Variants in SOX5 observed in about 807,000 individuals in gnomAD.
SOX5 encodes SRY-box transcription factor 5.
In SOX5, 9 loss-of-function variants were observed where a neutral mutation model predicts 92.0. The observed-to-expected ratio is 0.10, with a 90% CI of 0.06 to 0.17. The LOEUF (loss-of-function observed/expected upper bound fraction) is 0.17, where lower values mean the gene tolerates loss of function less well. Among genes scored for constraint, SOX5 ranks in the 10% least tolerant of loss-of-function variants. The pLI is 1.00. For missense variants in SOX5, 642 were observed against 944.5 expected (o/e 0.68, Z 4.20); for synonymous variants, 344 against 336.3 (o/e 1.02, Z -0.25).
chr12:24,547,038 T>C (rs1952688198), intron 1 of SOX5, among the ~76,000 whole-genome samples: 1 of 152,128 alleles, frequency 6.6e-6, no homozygotes, highest in African/African-American at 2.4e-5. Context: ...AAAGTAACTG[T>C]ATTACTAAAC....
chr12:24,169,096 G>A (rs949093662), intron 4 of SOX5, among the ~76,000 whole-genome samples: 2 of 152,142 alleles, frequency 1.3e-5, no homozygotes, highest in Non-Finnish European at 2.9e-5. Context: ...GATTCTTATA[G>A]TGAATAGCGA....
chr12:24,106,736 G>C (rs926145004), intron 4 of SOX5, among the ~76,000 whole-genome samples: 1 of 150,840 alleles, frequency 6.6e-6, no homozygotes, highest in African/African-American at 2.4e-5. Flanking sequence ...AGGTTGCAGT[G>C]AGCCGAGATC....
intron 1 of SOX5, among the ~76,000 whole-genome samples, chr12:24,498,698 T>C (rs1947889302): frequency 6.6e-6 from 1 of 152,204 alleles, no homozygotes; most frequent in Non-Finnish European, 1.5e-5. Flanking sequence ...ATGATTATCA[T>C]AAATGAATTG....
intron 2 of SOX5, among the ~76,000 whole-genome samples, chr12:24,337,935 A>AT (rs1160927730): frequency 2.7e-5 from 4 of 150,920 alleles, no homozygotes; most frequent in Admixed American, 6.7e-5. Context: ...GACACACAAA[A>AT]TTTTTTTTGC....
intron 4 of SOX5, among the ~76,000 whole-genome samples, chr12:24,054,914 T>C (rs183128348): frequency 3.9e-4 from 60 of 152,274 alleles, no homozygotes; most frequent in African/African-American, 1.4e-3. Flanking sequence ...ACAACTGTTA[T>C]TTGTGGGGAG....
intron 1 of SOX5, among the ~76,000 whole-genome samples, chr12:24,500,749 A>T (rs1254788895): frequency 1.3e-5 from 2 of 152,202 alleles, no homozygotes; most frequent in Non-Finnish European, 2.9e-5. Context: ...CGCTGTTCCA[A>T]CATGCAATGC....
chr12:24,056,843 C>T (rs1285998348), intron 4 of SOX5, among the ~76,000 whole-genome samples: 4 of 148,356 alleles, frequency 2.7e-5, no homozygotes, highest in African/African-American at 9.9e-5. Flanking sequence ...GGCGTAGTGG[C>T]GGGCGCCTGT....
intron 4 of SOX5, among the ~76,000 whole-genome samples, chr12:24,192,737 C>A (rs1412301835): frequency 6.6e-6 from 1 of 152,152 alleles, no homozygotes; most frequent in Non-Finnish European, 1.5e-5. Flanking sequence ...ACCAGTTTTT[C>A]ATTCTAAATG....
At chr12:23,618,251 C>G (rs1184238639) in intron 8 of SOX5, among the ~76,000 whole-genome samples, 3 of 152,120 alleles carry the variant, frequency 2.0e-5, no homozygotes, top group Non-Finnish European at 4.4e-5. Context: ...AATGCTTGTT[C>G]ATCAGGAGAA....
At chr12:24,096,013 C>T (rs938280095) in intron 4 of SOX5, among the ~76,000 whole-genome samples, 3 of 152,174 alleles carry the variant, frequency 2.0e-5, no homozygotes, top group African/African-American at 7.2e-5. Context: ...ACCTCTTACC[C>T]TAACGGTCAT....
intron 2 of SOX5, among the ~76,000 whole-genome samples, chr12:23,892,364 A>T (rs959194959): frequency 3.3e-5 from 5 of 152,178 alleles, no homozygotes; most frequent in African/African-American, 1.2e-4. Flanking sequence ...AACATGTGTG[A>T]AAAGCTTGGC....
At chr12:24,115,749 A>G (rs1045032081) in intron 4 of SOX5, among the ~76,000 whole-genome samples, 2 of 152,250 alleles carry the variant, frequency 1.3e-5, no homozygotes, top group Non-Finnish European at 2.9e-5. Flanking sequence ...GAAAACTTGC[A>G]TAGTCATAAC....
chr12:23,711,295 T>G (rs926540012), intron 6 of SOX5, among the ~76,000 whole-genome samples: 24 of 152,212 alleles, frequency 1.6e-4, no homozygotes, highest in Admixed American at 9.8e-4. Flanking sequence ...TTGGATAGTC[T>G]TCACTTCTTA....
intron 4 of SOX5, among the ~76,000 whole-genome samples, chr12:23,975,513 C>T (rs1948801961): frequency 6.6e-6 from 1 of 152,106 alleles, no homozygotes; most frequent in Admixed American, 6.5e-5. Flanking sequence ...TGTCCTACTA[C>T]AAATCATTAG....
intron 8 of SOX5, among the ~76,000 whole-genome samples, chr12:23,629,340 T>C (rs1259322693): frequency 6.6e-6 from 1 of 152,046 alleles, no homozygotes; most frequent in Non-Finnish European, 1.5e-5. Context: ...TATACAAATA[T>C]ATGCATTTAT....
At chr12:23,578,800 C>G (rs923028733) in intron 9 of SOX5, among the ~76,000 whole-genome samples, 34 of 152,248 alleles carry the variant, frequency 2.2e-4, no homozygotes, top group African/African-American at 8.2e-4. Flanking sequence ...TGTTTACTAC[C>G]TTCTGTGTGA....
chr12:23,686,248 GA>G (rs999771496), intron 6 of SOX5, among the ~76,000 whole-genome samples: 1 of 151,946 alleles, frequency 6.6e-6, no homozygotes, highest in African/African-American at 2.4e-5. Context: ...AATTCAGAAT[GA>G]AAAAAAATTG....
intron 4 of SOX5, among the ~76,000 whole-genome samples, chr12:24,016,780 G>A (rs1363202490): frequency 6.6e-6 from 1 of 152,072 alleles, no homozygotes; most frequent in African/African-American, 2.4e-5. Flanking sequence ...TTGAATCTCA[G>A]CCAACAGAGA....
chr12:24,055,619 T>C (rs529337311), intron 4 of SOX5, among the ~76,000 whole-genome samples: 2 of 152,238 alleles, frequency 1.3e-5, no homozygotes, highest in African/African-American at 4.8e-5. Context: ...GTTCTTAGAA[T>C]CATCAAAGAC....
Sources: allele counts gnomAD v4.1 joint callset (sites outside exome capture counted in the v4.1 genomes callset), GRCh38; gene constraint gnomAD v4.1.1; transcripts MANE v1.5; gene names NCBI Gene and HGNC (gene_info 2026-07-23, HGNC 2026-07-21).